The following TMED5 variants were observed in gnomAD, a reference collection of about 807,000 sequenced individuals.
TMED5 encodes transmembrane p24 trafficking protein 5.
In TMED5, 27 loss-of-function variants were observed where a neutral mutation model predicts 23.0. That is an observed-to-expected ratio of 1.17 (90% CI 0.86 to 1.62). The LOEUF (loss-of-function observed/expected upper bound fraction) is 1.62, where lower values mean the gene tolerates loss of function less well. TMED5 is among the 40% of genes most tolerant of loss of function. The pLI is 0.00. For missense variants in TMED5, 248 were observed against 273.7 expected (o/e 0.91, Z 0.66); for synonymous variants, 97 against 100.8 (o/e 0.96, Z 0.23).
rs1647947441 is a variant in TMED5 at position 93,153,437 on chromosome 1, A to G, written c.*1233T>C. 6.6e-6 allele frequency: 1 copy of G among 152,178 alleles called. No homozygotes were observed. The allele number at this position is 152,178 out of a possible 1,614,324, so 9.4% of individuals were successfully genotyped here. ...TGCTAAACCTTACAGTAGGGCTTAC[A>G]TTTTATAAAATGTACCTGCTTACAA... On this transcript the variant is annotated 3_prime_UTR_variant, in exon 4 of 4. Coordinates refer to ENST00000370282, the MANE Select transcript of TMED5 (RefSeq NM_016040.5).
chr1:93,175,177 A>T (rs1338628171), intron 1 of TMED5, among the ~76,000 whole-genome samples: 10 of 28,208 alleles, frequency 3.5e-4, no homozygotes, highest in Admixed American at 2.9e-3. Flanking sequence ...AAAGCCATTT[A>T]TATATATATA....
chr1:93,171,126 T>C (rs1648715133), intron 1 of TMED5, among the ~76,000 whole-genome samples: 1 of 152,042 alleles, frequency 6.6e-6, no homozygotes, highest in African/African-American at 2.4e-5. Flanking sequence ...ACCACGAAGG[T>C]CTGCAGCTTC....
intron 1 of TMED5, among the ~76,000 whole-genome samples, chr1:93,174,213 A>C (rs1159429032): frequency 6.6e-6 from 1 of 151,652 alleles, no homozygotes; most frequent in Non-Finnish European, 1.5e-5. Flanking sequence ...CTCGTGATCC[A>C]CCCACTTTGG....
At chr1:93,178,534 A>G (rs1215936388) in intron 1 of TMED5, among the ~76,000 whole-genome samples, 1 of 152,090 alleles carries the variant, frequency 6.6e-6, no homozygotes, top group Non-Finnish European at 1.5e-5. Context: ...GCTCTTTGAG[A>G]AGAGGGATTC....
chr1:93,167,966 A>C (rs967208887), intron 1 of TMED5, among the ~76,000 whole-genome samples: 3 of 152,112 alleles, frequency 2.0e-5, no homozygotes, highest in African/African-American at 4.8e-5. Context: ...TTATGAAGAG[A>C]TGTTGAATTT....
rs1647946248 is a variant in TMED5 at position 93,153,405 on chromosome 1, C to T, written c.*1265G>A. On this transcript the variant is annotated 3_prime_UTR_variant, in exon 4 of 4. Transcript: ENST00000370282. The stretch of plus-strand genomic sequence containing the variant: ...AATAAAAATTTTTAATAAATATGTA[C>T]ACCCAGTGCTAAACCTTACAGTAGG... The T allele has an allele frequency of 6.6e-6, 1 of 152,022 alleles. No homozygotes were observed. The highest frequency in any genetic ancestry group is 1.5e-5 in the Non-Finnish European group (1 of 67,960). The allele number at this position is 152,022 out of a possible 1,614,324, so 9.4% of individuals were successfully genotyped here.
rs143995573 is a variant in TMED5 at position 93,178,624 on chromosome 1, G to C, written c.189+1430C>G. Among the ~76,000 whole-genome samples, 77 of 152,146 alleles carry C rather than the reference G, an allele frequency of 5.1e-4. 2 individuals carry two copies. The East Asian group carries it at 0.014, about 27-fold the overall frequency. ...CACCTCCATGCACAATTCCTGGCAC[G>C]TGTTAACTGTTCAGTAAATGTTGAA... On this transcript the variant is annotated intron_variant, in intron 1 of 3. Transcript: ENST00000370282.
At chr1:93,178,318 T>C (rs55738503) in intron 1 of TMED5, among the ~76,000 whole-genome samples, 13,589 of 152,200 alleles carry the variant, frequency 0.089, 2,001 homozygotes, top group African/African-American at 0.31. Context: ...TTACACTATG[T>C]ATTTTAAGAA....
rs1249759935 is a variant in TMED5 at position 93,151,729 on chromosome 1, C to G, written c.*2941G>C. 2.0e-5 allele frequency: 3 copies of G among 152,112 alleles called. No individual in the cohort carries two copies. Among genetic ancestry groups the G allele is most frequent in the South Asian group, 2.1e-4 (1 of 4,818 alleles). The allele number at this position is 152,112 out of a possible 1,614,324, so 9.4% of individuals were successfully genotyped here. A position where few individuals can be genotyped will look rare whatever the true frequency, so the allele number is the denominator to read the frequency against. ...CTCCAATGCAAAGTAGAGTGATGTA[C>G]AATAAGAGGTGTAGAGAGCTATGGG... is the stretch of plus-strand genomic sequence containing the variant. On this transcript the variant is annotated 3_prime_UTR_variant, in exon 4 of 4. Transcript: ENST00000370282.
rs1648216262 is a variant in TMED5 at position 93,160,115 on chromosome 1, A to T, written c.287+14T>A. ...TTATTCAGCAATGAAACTCAACTAA[A>T]AGAGATTACTTACGTGTGAACTCCA... On this transcript the variant is annotated intron_variant, in intron 2 of 3. Coordinates refer to ENST00000370282, the MANE Select transcript of TMED5 (RefSeq NM_016040.5). 2.5e-6 allele frequency: 4 copies of T among 1,569,866 alleles called. No individual in the cohort carries two copies. The highest frequency in any genetic ancestry group is 2.7e-5 in the African/African-American group (2 of 73,878).
Position 93,156,467 on chromosome 1 carries a change from C to G in TMED5, c.304G>C (p.Gly102Arg), listed in dbSNP as rs369723984. 2.5e-6 allele frequency: 4 copies of G among 1,613,128 alleles called. No individual in the cohort carries two copies. The highest frequency in any genetic ancestry group is 2.7e-5 in the African/African-American group (2 of 74,828). ...DGVHTVETEV[G>R]DYMFCFDNTF... ...TTGTCAAAGCAGAACATGTAATCAC[C>G]AACTTCAGTCTCTACACTGTATAAA... is the stretch of plus-strand genomic sequence containing the variant. The change falls in exon 3 of 4, where the codon GGT (glycine) becomes CGT (arginine). Residue 102 changes from glycine to arginine, a missense_variant. Gly to Arg is a moderately radical substitution (Grantham distance 125). Coordinates refer to ENST00000370282, the MANE Select transcript of TMED5 (RefSeq NM_016040.5).
chr1:93,160,312 TTATC>T (rs1353713992), intron 1 of TMED5, 86 bp from the exon 2 acceptor site: 5 of 749,248 alleles, frequency 6.7e-6, no homozygotes, highest in Non-Finnish European at 1.1e-5. Flanking sequence ...GATGTAAAGA[TTATC>T]TAAGCTAGAG....
Position 93,150,614 on chromosome 1 carries a change from AAAC to A in TMED5, c.*4053_*4055del, listed in dbSNP as rs1257649529. 5.3e-5 allele frequency: 8 copies of A among 152,222 alleles called. No homozygotes were observed. Among genetic ancestry groups the A allele is most frequent in the Non-Finnish European group, 8.8e-5 (6 of 68,038 alleles). 9.4% of individuals were successfully genotyped at this position (152,222 alleles called of 1,614,324 possible). The stretch of plus-strand genomic sequence containing the variant: ...ATCCAATTTCTCTTGCATCCTAGCA[AAAC>A]AACTCTAAAATTTATCATTTGGAAC... On this transcript the variant is annotated 3_prime_UTR_variant, in exon 4 of 4. Transcript: ENST00000370282.
intron 1 of TMED5, chr1:93,162,887 A>G (rs1648334459): frequency 6.6e-6 from 1 of 152,168 alleles, no homozygotes; most frequent in Admixed American, 6.5e-5. Context: ...AAGTAAAAAG[A>G]TATTTACTGA....
chr1:93,166,440 T>G (rs1648507625), intron 1 of TMED5, among the ~76,000 whole-genome samples: 1 of 152,198 alleles, frequency 6.6e-6, no homozygotes, highest in Non-Finnish European at 1.5e-5. Context: ...ATTACCTGTC[T>G]TTTGGATATA....
chr1:93,167,259 T>G lies in TMED5; in HGVS notation c.190-7033A>C, dbSNP rs540824830. Reference sequence around the variant, plus strand: ...TGGGCTATTCTGGGTCTTTTGTGGTTCCATATACATTTTTAAATTGTTTTT... The same window carrying G: ...TGGGCTATTCTGGGTCTTTTGTGGTGCCATATACATTTTTAAATTGTTTTT... On this transcript the variant is annotated intron_variant, in intron 1 of 3. Coordinates refer to ENST00000370282, the MANE Select transcript of TMED5 (RefSeq NM_016040.5). Among the ~76,000 whole-genome samples, 13 of 152,312 alleles carry G rather than the reference T, an allele frequency of 8.5e-5. No homozygotes were observed. In the East Asian group the frequency reaches 2.3e-3, roughly 27 times the overall value.
At chr1:93,166,579 T>C (rs1648515639) in intron 1 of TMED5, among the ~76,000 whole-genome samples, 1 of 151,964 alleles carries the variant, frequency 6.6e-6, no homozygotes, top group Non-Finnish European at 1.5e-5. Flanking sequence ...GAAATGTCTA[T>C]TCAAATCTTT....
chr1:93,151,164 T>C lies in TMED5; in HGVS notation c.*3506A>G, dbSNP rs1647860097. 1 of 152,150 alleles carries C rather than the reference T, an allele frequency of 6.6e-6. No homozygotes were observed. The highest frequency in any genetic ancestry group is 2.4e-5 in the African/African-American group (1 of 41,418). 9.4% of individuals were successfully genotyped at this position (152,150 alleles called of 1,614,324 possible). ...TGGTGTCCTTTCCCCAGACGTACAT[T>C]AGGTGTATGGCTCCAGGTTATGACA... On this transcript the variant is annotated 3_prime_UTR_variant, in exon 4 of 4. Coordinates refer to ENST00000370282, the MANE Select transcript of TMED5 (RefSeq NM_016040.5).
chr1:93,163,463 G>C lies in TMED5; in HGVS notation c.190-3237C>G, dbSNP rs946067270. On this transcript the variant is annotated intron_variant, in intron 1 of 3. Coordinates refer to ENST00000370282, the MANE Select transcript of TMED5 (RefSeq NM_016040.5). ...AGGTTCAAATGATTCTCCCGCCTCAGTGTCCTGAGTAGCTGAGATTATAGG... is the reference window on the plus strand; with the variant it reads ...AGGTTCAAATGATTCTCCCGCCTCACTGTCCTGAGTAGCTGAGATTATAGG... 2.0e-5 allele frequency among the ~76,000 whole-genome samples: 3 copies of C among 151,266 alleles called. No homozygotes were observed. The East Asian group carries it at 5.9e-4, about 30-fold the overall frequency.
Sources: gnomAD v4.1 joint callset for allele counts (sites outside exome capture counted in the v4.1 genomes callset) on GRCh38, gnomAD v4.1.1 for gene constraint, MANE v1.5 for transcripts, NCBI Gene and HGNC (gene_info 2026-07-23, HGNC 2026-07-21) for gene names.